DNAH11: variants seen among roughly 807,000 people sequenced by gnomAD.
DNAH11 encodes dynein axonemal heavy chain 11, also known as axonemal beta dynein heavy chain 11.
DNAH11 carries 442 observed loss-of-function variants against 526.0 expected under a neutral mutation model. The ratio of observed to expected loss-of-function variants is 0.84; its 90% CI spans 0.78 to 0.91. DNAH11 has a LOEUF of 0.91. Ranked by LOEUF, DNAH11 falls within the 40% of genes least tolerant of loss-of-function variation. The probability of loss-of-function intolerance (pLI) is 0.00; values close to 1 mark genes in which losing one functional copy is unlikely to be tolerated. For missense variants in DNAH11, 6,989 were observed against 5,448.7 expected, an observed-to-expected ratio of 1.28 and a Z score of -8.90; for synonymous variants, 2,461 against 1,935.9, an observed-to-expected ratio of 1.27 and a Z score of -7.12.
intron 25 of DNAH11, among the ~76,000 whole-genome samples, chr7:21,623,141 A>G (rs2128455483): frequency 6.6e-6 from 1 of 152,270 alleles, no homozygotes; most frequent in East Asian, 1.9e-4. Flanking sequence ...AACCCCATCA[A>G]AAAGTGGGCG....
rs773016942 is a variant in DNAH11, at chr7:21,711,876, T to G, written c.6983+16T>G. On this transcript the variant is annotated intron_variant, in intron 42 of 81. Transcript: ENST00000409508. ...GCTGGAATCCGTGAGTATTTCTTTTTGTTTTATTGTAGTAAATTGTATGTA... is the reference window on the plus strand; with the variant it reads ...GCTGGAATCCGTGAGTATTTCTTTTGGTTTTATTGTAGTAAATTGTATGTA... 2 of 1,590,696 alleles carry G rather than the reference T, an allele frequency of 1.3e-6. No individual in the cohort carries two copies. The highest frequency in any genetic ancestry group is 3.6e-5 in the Admixed American group (2 of 55,968).
At chr7:21,619,898 T>C (rs1197112569) in intron 24 of DNAH11, 58 bp from the exon 25 acceptor site, 1 of 1,475,720 alleles carries the variant, frequency 6.8e-7, no homozygotes, top group African/African-American at 1.4e-5. Flanking sequence ...CAGATAATAG[T>C]CTACATATTG....
chr7:21,852,485 C>T lies in DNAH11; in HGVS notation c.10915C>T (p.Gln3639Ter), dbSNP rs1447986003. Residue 3639 changes from glutamine to a stop codon, truncating the protein, a stop_gained, in exon 67 of 82, where the codon CAA becomes TAA. Transcript: ENST00000409508. LOFTEE classifies it high-confidence loss of function. ...EKLKLVLTKH[Q>*]NDFKIELKYL... ...TTATTAGTTGGTATTGACAAAGCAC[C>T]AAAATGATTTTAAAATTGAGCTCAA... 6.2e-7 allele frequency: 1 copy of T among 1,612,802 alleles called. No individual in the cohort carries two copies. The highest frequency in any genetic ancestry group is 8.5e-7 in the Non-Finnish European group (1 of 1,179,454).
chr7:21,681,421 C>T lies in DNAH11; in HGVS notation c.5329-125C>T. The T allele has an allele frequency of 4.1e-6, 4 of 982,958 alleles. No homozygotes were observed. The South Asian group carries it at 5.1e-5, about 13-fold the overall frequency. 60.9% of individuals were successfully genotyped at this position (982,958 alleles called of 1,614,324 possible). On this transcript the variant is annotated intron_variant, in intron 30 of 81. Transcript: ENST00000409508. ...CAGCCTGGGTGACAGAGTGAGACTC[C>T]ATCTCAAAAAAAAAAAGAAATTGTT...
intron 65 of DNAH11, among the ~76,000 whole-genome samples, chr7:21,827,960 T>TC (rs1039707478): frequency 1.6e-4 from 25 of 152,070 alleles, no homozygotes; most frequent in Admixed American, 1.3e-4. Flanking sequence ...TTTTTTTTTT[T>TC]CTTTTTGAGA....
chr7:21,761,093 C>T (rs1361700013), intron 54 of DNAH11, among the ~76,000 whole-genome samples: 4 of 152,112 alleles, frequency 2.6e-5, no homozygotes, highest in East Asian at 1.9e-4. Context: ...TCTGTAAAGT[C>T]GTGTAAACTG....
In DNAH11 at chr7:21,576,091, A is replaced by G. The variant is rs538393312; in HGVS notation, c.1593+4118A>G. 8.5e-4 allele frequency among the ~76,000 whole-genome samples: 130 copies of G among 152,300 alleles called. 1 individual carries two copies. Among genetic ancestry groups the G allele is most frequent in the African/African-American group, 2.9e-3 (121 of 41,566 alleles). ...CAGTAGCATGGCTCACCTGTCACCG[A>G]GACTCCTCTAGATCTTGTTGCTGCT... On this transcript the variant is annotated intron_variant, in intron 8 of 81. Transcript: ENST00000409508.
At position 21,599,864 on chromosome 7, in the gene DNAH11, G is replaced by A; in HGVS notation, c.2745G>A (p.Val915=). ...ATGTAGAATTCATTGACGACATTGTGGTGGAAGGCTTTTTTCAGGCTATAA... is the reference window on the plus strand; with the variant it reads ...ATGTAGAATTCATTGACGACATTGTAGTGGAAGGCTTTTTTCAGGCTATAA... ...KIYVEFIDDI[V]VEGFFQAIMH... The change falls in exon 15 of 82, where the codon GTG becomes GTA. Residue 915 remains valine, a synonymous_variant. Coordinates refer to ENST00000409508, the MANE Select transcript of DNAH11 (RefSeq NM_001277115.2). 2 of 1,609,960 alleles carry A rather than the reference G, an allele frequency of 1.2e-6. No homozygotes were observed. The highest frequency in any genetic ancestry group is 1.7e-6 in the Non-Finnish European group (2 of 1,177,150).
At chr7:21,741,328 C>T (rs1336155716) in intron 48 of DNAH11, among the ~76,000 whole-genome samples, 1 of 152,212 alleles carries the variant, frequency 6.6e-6, no homozygotes, top group Admixed American at 6.5e-5. Context: ...GAATGCATCA[C>T]AGCTTGTTTA....
At chr7:21,554,290 C>T (rs1052419148) in intron 2 of DNAH11, among the ~76,000 whole-genome samples, 5 of 151,814 alleles carry the variant, frequency 3.3e-5, no homozygotes, top group South Asian at 2.1e-4. Context: ...TCTCCTGCCG[C>T]AGCCTCCTGA....
chr7:21,836,775 A>T (rs1358818884), intron 65 of DNAH11, among the ~76,000 whole-genome samples: 1 of 152,112 alleles, frequency 6.6e-6, no homozygotes, highest in African/African-American at 2.4e-5. Flanking sequence ...CTTCTGCACA[A>T]CAAAGGAAAT....
At chr7:21,623,071 T>G (rs919629118) in intron 25 of DNAH11, among the ~76,000 whole-genome samples, 1 of 151,758 alleles carries the variant, frequency 6.6e-6, no homozygotes, top group Non-Finnish European at 1.5e-5. Flanking sequence ...CCTACTCATC[T>G]GACAAAGGGC....
At chr7:21,764,755 G>A (rs183166725) in intron 54 of DNAH11, among the ~76,000 whole-genome samples, 15 of 152,234 alleles carry the variant, frequency 9.9e-5, no homozygotes, top group African/African-American at 3.4e-4. Context: ...AAAAAAGTAC[G>A]GAAGTATATT....
At chr7:21,556,363 T>G (rs1783217863) in intron 2 of DNAH11, among the ~76,000 whole-genome samples, 2 of 152,124 alleles carry the variant, frequency 1.3e-5, no homozygotes, top group African/African-American at 4.8e-5. Flanking sequence ...GTAAATAGAG[T>G]GAAGTCTGAA....
rs768034300 is a variant in DNAH11, at chr7:21,711,850, G to A, written c.6973G>A (p.Gly2325Ser). The A allele has an allele frequency of 6.2e-7, 1 of 1,612,694 alleles. No homozygotes were observed. The highest frequency in any genetic ancestry group is 8.5e-7 in the Non-Finnish European group (1 of 1,179,226). ...TCTGTATGTGAACCCACAAGATCTG[G>A]GCTGGAATCCGTGAGTATTTCTTTT... ...GILYVNPQDL[G>S]WNPYVASWID... Residue 2325 changes from glycine to serine, a missense_variant, in exon 42 of 82, where the codon GGC becomes AGC. Physicochemically the swap from Gly to Ser is moderately conservative, Grantham distance 56 (BLOSUM62 0). Transcript: ENST00000409508.
chr7:21,869,161 G>A (rs144368512), intron 73 of DNAH11, among the ~76,000 whole-genome samples, 170 bp downstream of exon 73: 1 of 152,228 alleles, frequency 6.6e-6, no homozygotes, highest in East Asian at 1.9e-4. Context: ...GAGGGGCTCT[G>A]CGGACAGCGA....
chr7:21,584,575 T>TA (rs562408312), intron 9 of DNAH11, among the ~76,000 whole-genome samples: 1 of 151,884 alleles, frequency 6.6e-6, no homozygotes, highest in Non-Finnish European at 1.5e-5. Flanking sequence ...CTTAAAGTAT[T>TA]AAAAAAAATT....
intron 20 of DNAH11, among the ~76,000 whole-genome samples, chr7:21,611,962 G>A (rs1785538252): frequency 6.6e-6 from 1 of 152,014 alleles, no homozygotes; most frequent in Non-Finnish European, 1.5e-5. Flanking sequence ...TCTTAGAAAA[G>A]ACTAACTCTA....
chr7:21,876,548 G>A (rs1439116870), intron 74 of DNAH11, among the ~76,000 whole-genome samples: 1 of 152,208 alleles, frequency 6.6e-6, no homozygotes, highest in Non-Finnish European at 1.5e-5. Context: ...AATAACAGTG[G>A]CTTATACAAG....
Sources: gnomAD v4.1 joint callset for allele counts (sites outside exome capture counted in the v4.1 genomes callset) on GRCh38, gnomAD v4.1.1 for gene constraint, MANE v1.5 for transcripts, NCBI Gene and HGNC (gene_info 2026-07-23, HGNC 2026-07-21) for gene names.